The following SLC6A13 variants were observed in gnomAD, a reference collection of about 807,000 sequenced individuals.
The protein encoded by SLC6A13 is sodium- and chloride-dependent GABA transporter 2.
A neutral mutation model predicts 72.9 loss-of-function variants in SLC6A13; 69 were observed. The ratio of observed to expected loss-of-function variants is 0.95; its 90% CI spans 0.78 to 1.16. The LOEUF is 1.16. SLC6A13 is among the 50% of genes most tolerant of loss of function. The pLI, the probability that SLC6A13 is intolerant of heterozygous loss-of-function variation, is 0.00. For synonymous variants in SLC6A13, 303 were observed against 303.0 expected (o/e 1.00, Z 0.00); for missense variants, 735 against 760.5 (o/e 0.97, Z 0.39).
At chr12:253,062 G>C (rs1443469587) in intron 2 of SLC6A13, among the ~76,000 whole-genome samples, 2 of 152,188 alleles carry the variant, frequency 1.3e-5, no homozygotes, top group Non-Finnish European at 2.9e-5. Context: ...TCCTGGGGAT[G>C]GGGGGTGGAG....
chr12:243,355 G>A (rs944858300), intron 3 of SLC6A13, among the ~76,000 whole-genome samples: 2 of 152,226 alleles, frequency 1.3e-5, no homozygotes, highest in Non-Finnish European at 2.9e-5. Flanking sequence ...CTCATTTAAA[G>A]TTCTCTTTTA....
At chr12:225,337 C>T (rs767212289) in intron 9 of SLC6A13, among the ~76,000 whole-genome samples, 3 of 152,194 alleles carry the variant, frequency 2.0e-5, no homozygotes, top group Non-Finnish European at 4.4e-5. Context: ...CAGCACCTGG[C>T]GTACAGTCAA....
chr12:235,612 C>A (rs181481930), intron 6 of SLC6A13, among the ~76,000 whole-genome samples: 1 of 151,822 alleles, frequency 6.6e-6, no homozygotes, highest in African/African-American at 2.4e-5. Flanking sequence ...TTGTAAAACA[C>A]GTATGTTTGA....
At chr12:252,128 CTAAA>C (rs1224232077) in intron 2 of SLC6A13, among the ~76,000 whole-genome samples, 4 of 152,156 alleles carry the variant, frequency 2.6e-5, no homozygotes, top group African/African-American at 9.7e-5. Context: ...AAATGAAACC[CTAAA>C]TAATTATGCT....
chr12:256,294 T>A (rs1209540539), intron 2 of SLC6A13, among the ~76,000 whole-genome samples: 1 of 152,050 alleles, frequency 6.6e-6, no homozygotes, highest in Non-Finnish European at 1.5e-5. Context: ...AAGTATTTGC[T>A]GGTGAATGAC....
chr12:255,525 G>A (rs1234815542), intron 2 of SLC6A13, among the ~76,000 whole-genome samples: 1 of 152,212 alleles, frequency 6.6e-6, no homozygotes, highest in African/African-American at 2.4e-5. Flanking sequence ...GCAAAACCTC[G>A]TCTCAACTAA....
At chr12:225,790 T>C (rs886888795) in intron 9 of SLC6A13, among the ~76,000 whole-genome samples, 2 of 152,154 alleles carry the variant, frequency 1.3e-5, no homozygotes, top group East Asian at 1.9e-4. Flanking sequence ...AAAAATCATA[T>C]TATTACAGGG....
chr12:250,123 TGAG>T (rs1300601289), intron 2 of SLC6A13, among the ~76,000 whole-genome samples: 4 of 152,124 alleles, frequency 2.6e-5, no homozygotes, highest in South Asian at 2.1e-4. Flanking sequence ...CCAGCAATGA[TGAG>T]GAGAAGAGAA....
rs76429750 is a variant in SLC6A13 at position 233,490 on chromosome 12, G to A, written c.831+1600C>T. Among the ~76,000 whole-genome samples the A allele has an allele frequency of 4.3e-4, 66 of 152,306 alleles. No individual in the cohort carries two copies. In the East Asian group the frequency reaches 9.3e-3, roughly 21 times the overall value. On this transcript the variant is annotated intron_variant, in intron 7 of 14. Transcript: ENST00000343164. ...CGAAGGAAGGGTGGGGAGGAGACCC[G>A]GAGCCTCTGGACAACTGACAGGGAA... is the stretch of plus-strand genomic sequence containing the variant.
chr12:249,070 A>C (rs1166343091), intron 2 of SLC6A13, among the ~76,000 whole-genome samples: 1 of 152,236 alleles, frequency 6.6e-6, no homozygotes, highest in Non-Finnish European at 1.5e-5. Flanking sequence ...ATTAGAAAGT[A>C]TCTTGAATGG....
At chr12:261,748 A>G (rs495973) in intron 1 of SLC6A13, among the ~76,000 whole-genome samples, 44,204 of 151,942 alleles carry the variant, frequency 0.29, 7,128 homozygotes, top group African/African-American at 0.44. Flanking sequence ...CAACATGGTG[A>G]CACCCCGTCT....
intron 2 of SLC6A13, among the ~76,000 whole-genome samples, chr12:250,181 TAAC>T (rs1265176118): frequency 6.6e-6 from 1 of 152,152 alleles, no homozygotes; most frequent in Non-Finnish European, 1.5e-5. Context: ...ACCCTACAGC[TAAC>T]ATCATACTTA....
At chr12:244,803 G>A in intron 2 of SLC6A13, among the ~76,000 whole-genome samples, 1 of 152,204 alleles carries the variant, frequency 6.6e-6, no homozygotes. Context: ...GAGGTGGACT[G>A]CTTGCCCTGG....
At position 223,984 on chromosome 12, in the gene SLC6A13, G is replaced by T; in HGVS notation, c.1311+8C>A. On this transcript the variant is annotated splice_region_variant and intron_variant, in intron 11 of 14. Transcript: ENST00000343164. ...TCCCCAGCCTTCCCCCGCTTCCCAGGCCCTCACCTCTGTGAGCATGATCAG... is the reference window on the plus strand; with the variant it reads ...TCCCCAGCCTTCCCCCGCTTCCCAGTCCCTCACCTCTGTGAGCATGATCAG... 11 of 1,608,612 alleles carry T rather than the reference G, an allele frequency of 6.8e-6. No homozygotes were observed. Among genetic ancestry groups the T allele is most frequent in the Non-Finnish European group, 9.3e-6 (11 of 1,177,564 alleles).
intron 14 of SLC6A13, 85 bp downstream of exon 14, chr12:221,291 G>A (rs1020919400): frequency 2.8e-6 from 4 of 1,417,294 alleles, no homozygotes; most frequent in Non-Finnish European, 3.8e-6. Context: ...ACACAACGGT[G>A]TGCGCCCTGG....
intron 11 of SLC6A13, 159 bp downstream of exon 11, chr12:223,833 T>C (rs1013149567): frequency 1.3e-6 from 1 of 763,954 alleles, no homozygotes; most frequent in Non-Finnish European, 2.1e-6. Context: ...GGGACCTGCC[T>C]ACTTTGTCGT....
intron 4 of SLC6A13, among the ~76,000 whole-genome samples, chr12:240,906 G>A (rs1942141611): frequency 6.6e-6 from 1 of 152,214 alleles, no homozygotes; most frequent in Non-Finnish European, 1.5e-5. Flanking sequence ...GACACAGACA[G>A]GAGTCAGGTC....
chr12:248,195 C>G (rs1278138552), intron 2 of SLC6A13, among the ~76,000 whole-genome samples: 1 of 151,816 alleles, frequency 6.6e-6, no homozygotes, highest in African/African-American at 2.4e-5. Flanking sequence ...GCTTTTAAAA[C>G]CTGACAAGAC....
At chr12:257,862 T>G (rs1313821087) in intron 2 of SLC6A13, among the ~76,000 whole-genome samples, 4 of 152,200 alleles carry the variant, frequency 2.6e-5, no homozygotes, top group African/African-American at 9.6e-5. Context: ...GTGCCATTCC[T>G]GCTAATTCCC....
Sources: gnomAD v4.1 joint callset for allele counts (sites outside exome capture counted in the v4.1 genomes callset) on GRCh38, gnomAD v4.1.1 for gene constraint, MANE v1.5 for transcripts, NCBI Gene and HGNC (gene_info 2026-07-23, HGNC 2026-07-21) for gene names.